Variants in NPR3 observed in about 807,000 individuals in gnomAD.
NPR3 encodes natriuretic peptide receptor 3, also known as atrial natriuretic peptide receptor 3.
In NPR3, 34 loss-of-function variants were observed where a neutral mutation model predicts 54.5. That is an observed-to-expected ratio of 0.62 (90% CI 0.47 to 0.83). NPR3 has a LOEUF of 0.83. Among genes scored for constraint, NPR3 ranks in the 40% least tolerant of loss-of-function variants. The pLI, the probability that NPR3 is intolerant of heterozygous loss-of-function variation, is 0.00. For missense variants in NPR3, 674 were observed against 720.8 expected (o/e 0.94, Z 0.74); for synonymous variants, 289 against 297.1 (o/e 0.97, Z 0.28).
intron 5 of NPR3, among the ~76,000 whole-genome samples, chr5:32,782,453 A>T (rs1321999575): frequency 3.9e-5 from 6 of 152,150 alleles, no homozygotes; most frequent in African/African-American, 1.4e-4. Context: ...TGAACAAAGC[A>T]AAAGCCGGGA....
At position 32,711,848 on chromosome 5, in the gene NPR3, C is replaced by G. The variant is rs957860113; in HGVS notation, c.72C>G (p.Thr24=). The G allele has an allele frequency of 1.4e-6, 2 of 1,461,920 alleles. No homozygotes were observed. The highest frequency in any genetic ancestry group is 1.8e-6 in the Non-Finnish European group (2 of 1,109,162). The allele number at this position is 1,461,920 out of a possible 1,614,324, so 90.6% of individuals were successfully genotyped here. A position where few individuals can be genotyped will look rare whatever the true frequency, so the allele number is the denominator to read the frequency against. The change falls in exon 1 of 8, where the codon ACC becomes ACG. Residue 24 remains threonine, a synonymous_variant. Coordinates refer to ENST00000265074, the MANE Select transcript of NPR3 (RefSeq NM_001204375.2). ...GCTGGGCGTTGCTGGCCGGCGGCAC[C>G]GGTGGCGGTGGCGTTGGCGGCGGCG... ...LLGWALLAGG[T]GGGGVGGGGG... is the part of the protein sequence containing the mutation.
chr5:32,753,920 T>G (rs1046679689), intron 3 of NPR3, among the ~76,000 whole-genome samples: 3 of 152,214 alleles, frequency 2.0e-5, no homozygotes, highest in African/African-American at 7.2e-5. Flanking sequence ...GCATGAAGTT[T>G]TGCATTGCAC....
At chr5:32,776,480 G>A (rs1742055118) in intron 4 of NPR3, among the ~76,000 whole-genome samples, 2 of 152,130 alleles carry the variant, frequency 1.3e-5, no homozygotes, top group South Asian at 4.1e-4. Context: ...TTTTTAAAGT[G>A]CATTAGAAAT....
upstream of NPR3, among the ~76,000 whole-genome samples, chr5:32,704,517 A>G (rs1197142250): frequency 6.6e-6 from 1 of 152,150 alleles, no homozygotes; most frequent in African/African-American, 2.4e-5. Context: ...GAAAATTGAG[A>G]AAGTGAAGGT....
chr5:32,783,233 A>G, intron 6 of NPR3: 1 of 466,274 alleles, frequency 2.1e-6, no homozygotes, highest in Admixed American at 4.0e-5. Flanking sequence ...ACAATGGTAG[A>G]ATGTTTCTTC....
chr5:32,737,395 C>T (rs978996774), intron 2 of NPR3, among the ~76,000 whole-genome samples: 1 of 152,336 alleles, frequency 6.6e-6, no homozygotes, highest in South Asian at 2.1e-4. Flanking sequence ...GTCTGATTCA[C>T]ACTGTCATAG....
At chr5:32,714,659 A>G (rs955466105) in intron 1 of NPR3, among the ~76,000 whole-genome samples, 2 of 152,184 alleles carry the variant, frequency 1.3e-5, no homozygotes, top group East Asian at 1.9e-4. Context: ...AGGAAACAAA[A>G]CAGTTTCTCC....
chr5:32,714,555 C>T (rs1847018), intron 1 of NPR3, among the ~76,000 whole-genome samples: 18,579 of 150,024 alleles, frequency 0.12, 1,210 homozygotes, highest in Admixed American at 0.2. Flanking sequence ...GTTTGCTTAA[C>T]TGACCTGTAT....
At chr5:32,694,092 C>T (rs1047568398) in intron 1 of NPR3, among the ~76,000 whole-genome samples, 3 of 152,170 alleles carry the variant, frequency 2.0e-5, no homozygotes, top group African/African-American at 7.2e-5. Context: ...CTGTTAAGGG[C>T]ACTTGTGGGG....
At chr5:32,716,058 C>T (rs897393462) in intron 1 of NPR3, among the ~76,000 whole-genome samples, 8 of 152,166 alleles carry the variant, frequency 5.3e-5, no homozygotes, top group Admixed American at 2.0e-4. Context: ...TTGTAGGCTG[C>T]ACTGTGGAAA....
chr5:32,698,698 C>T (rs554821225), intron 1 of NPR3, among the ~76,000 whole-genome samples: 1 of 152,270 alleles, frequency 6.6e-6, no homozygotes, highest in Non-Finnish European at 1.5e-5. Flanking sequence ...TATCCTCTTG[C>T]TGACTTGACC....
Position 32,724,837 on chromosome 5 carries a change from T to G in NPR3, c.892+17T>G, listed in dbSNP as rs1739054945. 2 of 1,613,614 alleles carry G rather than the reference T, an allele frequency of 1.2e-6. No homozygotes were observed. The highest frequency in any genetic ancestry group is 1.1e-5 in the South Asian group (1 of 91,072). ...CTTCCTATGGTAACTCTGCTTCCACTTTCCCCTCCTCTGCTAGGGTTCCAA... is the reference window on the plus strand; with the variant it reads ...CTTCCTATGGTAACTCTGCTTCCACGTTCCCCTCCTCTGCTAGGGTTCCAA... On this transcript the variant is annotated intron_variant, in intron 2 of 7. Coordinates refer to ENST00000265074, the MANE Select transcript of NPR3 (RefSeq NM_001204375.2).
intron 3 of NPR3, among the ~76,000 whole-genome samples, chr5:32,757,807 T>A (rs950568900): frequency 1.9e-4 from 29 of 152,240 alleles, no homozygotes; most frequent in African/African-American, 6.5e-4. Context: ...GTTTTTAGCA[T>A]GAAGGGCTAT....
rs114173280 is a variant in NPR3 at position 32,763,657 on chromosome 5, A to G, written c.1060-11051A>G. ...AAAAGTCTCTAAACATATTTATAAT[A>G]GCTGCTTTAAAACTCATGTCTGCTA... On this transcript the variant is annotated intron_variant, in intron 3 of 7. Transcript: ENST00000265074. Among the ~76,000 whole-genome samples, 632 of 152,130 alleles carry G rather than the reference A, an allele frequency of 4.2e-3. 5 individuals carry two copies. Among genetic ancestry groups the G allele is most frequent in the African/African-American group, 0.014 (600 of 41,478 alleles).
intron 2 of NPR3, among the ~76,000 whole-genome samples, chr5:32,725,571 G>A (rs1472118135): frequency 6.6e-6 from 1 of 152,112 alleles, no homozygotes; most frequent in Non-Finnish European, 1.5e-5. Context: ...CAATCATCAT[G>A]ATACCATCAT....
At chr5:32,710,632 G>T, upstream of NPR3, 1 of 1,460,582 alleles carries the variant, frequency 6.8e-7, no homozygotes, top group Non-Finnish European at 9.1e-7. Flanking sequence ...TGTAGGTGAC[G>T]CCCGGGCCAG....
upstream of NPR3, among the ~76,000 whole-genome samples, chr5:32,707,996 TAA>T (rs58410343): frequency 6.9e-3 from 907 of 131,470 alleles, 8 homozygotes; most frequent in Non-Finnish European, 8.7e-3. Flanking sequence ...GTAGTAGCTT[TAA>T]AAAAAAAAAA....
chr5:32,711,572 T>TTTTTC lies in NPR3; in HGVS notation c.-201_-200insCTTTT. 2 of 733,884 alleles carry TTTTTC rather than the reference T, an allele frequency of 2.7e-6. No individual in the cohort carries two copies. Among genetic ancestry groups the TTTTTC allele is most frequent in the Non-Finnish European group, 1.7e-6 (1 of 592,740 alleles). 45.5% of individuals were successfully genotyped at this position (733,884 alleles called of 1,614,324 possible). A position where few individuals can be genotyped will look rare whatever the true frequency, so the allele number is the denominator to read the frequency against. ...ACTTTTTCTTTTTCTTTTTCTTTTT[T>TTTTTC]TTTTAAGAAAAACTAGTGACATTGC... On this transcript the variant is annotated 5_prime_UTR_variant, in exon 1 of 8. Coordinates refer to ENST00000265074, the MANE Select transcript of NPR3 (RefSeq NM_001204375.2).
chr5:32,727,015 G>T (rs1739171658), intron 2 of NPR3, among the ~76,000 whole-genome samples: 1 of 152,192 alleles, frequency 6.6e-6, no homozygotes, highest in African/African-American at 2.4e-5. Context: ...ATGCTGTGTT[G>T]AGTGTACATA....
Sources: gnomAD v4.1 joint callset for allele counts (sites outside exome capture counted in the v4.1 genomes callset) on GRCh38, gnomAD v4.1.1 for gene constraint, MANE v1.5 for transcripts, NCBI Gene and HGNC (gene_info 2026-07-23, HGNC 2026-07-21) for gene names.